Variants in ZNF804B observed in about 807,000 individuals in gnomAD.
ZNF804B encodes zinc finger protein 804B, also known as zinc finger 804B.
ZNF804B carries 80 observed loss-of-function variants against 101.4 expected under a neutral mutation model. That is an observed-to-expected ratio of 0.79 (90% CI 0.66 to 0.95). The LOEUF is 0.95. ZNF804B is among the 40% of genes least tolerant of loss of function. The pLI is 0.00. For missense variants in ZNF804B, 1,673 were observed against 1,561.9 expected (o/e 1.07, Z -1.20); for synonymous variants, 622 against 558.8 (o/e 1.11, Z -1.59).
At chr7:88,978,131 C>CT (rs1793642117) in intron 1 of ZNF804B, among the ~76,000 whole-genome samples, 1 of 151,528 alleles carries the variant, frequency 6.6e-6, no homozygotes, top group African/African-American at 2.4e-5. Flanking sequence ...ATGTTAAAGC[C>CT]TTTTTTTGTT....
At chr7:89,227,644 A>G (rs181388692) in intron 2 of ZNF804B, among the ~76,000 whole-genome samples, 1 of 152,340 alleles carries the variant, frequency 6.6e-6, no homozygotes, top group African/African-American at 2.4e-5. Context: ...CCTTAATTAA[A>G]CAGCAATTAT....
chr7:88,861,029 CT>C (rs1791636875), intron 1 of ZNF804B, among the ~76,000 whole-genome samples: 1 of 152,140 alleles, frequency 6.6e-6, no homozygotes, highest in Non-Finnish European at 1.5e-5. Flanking sequence ...AGGATGCTGA[CT>C]GCCTTGGTTT....
chr7:88,930,599 A>G (rs183226251), intron 1 of ZNF804B, among the ~76,000 whole-genome samples: 1 of 152,056 alleles, frequency 6.6e-6, no homozygotes, highest in African/African-American at 2.4e-5. Context: ...ATTACCATTA[A>G]AGAGACTTAT....
intron 1 of ZNF804B, among the ~76,000 whole-genome samples, chr7:88,860,483 T>C (rs575455483): frequency 1.3e-5 from 2 of 152,230 alleles, no homozygotes; most frequent in South Asian, 4.2e-4. Context: ...AATTTCTGGC[T>C]TCAGTAAGTT....
At chr7:89,187,625 GAGA>G (rs1438769449) in intron 1 of ZNF804B, among the ~76,000 whole-genome samples, 6 of 152,128 alleles carry the variant, frequency 3.9e-5, no homozygotes, top group Non-Finnish European at 1.5e-5. Flanking sequence ...GCAAAGTTTG[GAGA>G]AGCAAGTGAG....
intron 1 of ZNF804B, among the ~76,000 whole-genome samples, chr7:89,177,147 T>C (rs1791334900): frequency 6.6e-6 from 1 of 152,222 alleles, no homozygotes; most frequent in African/African-American, 2.4e-5. Flanking sequence ...ATATTTTCTC[T>C]ACTAATTTTG....
At chr7:89,319,617 A>G (rs1790788704) in intron 2 of ZNF804B, among the ~76,000 whole-genome samples, 2 of 152,182 alleles carry the variant, frequency 1.3e-5, no homozygotes. Context: ...TCACACAAAC[A>G]CATACTCTAG....
At chr7:89,315,257 A>G (rs983968028) in intron 2 of ZNF804B, among the ~76,000 whole-genome samples, 5 of 152,170 alleles carry the variant, frequency 3.3e-5, no homozygotes, top group African/African-American at 1.2e-4. Flanking sequence ...TAAGCCATTC[A>G]TGAGGAACTG....
At chr7:89,089,057 C>CTT (rs543879583) in intron 1 of ZNF804B, among the ~76,000 whole-genome samples, 2 of 128,102 alleles carry the variant, frequency 1.6e-5, no homozygotes, top group Admixed American at 7.8e-5. Context: ...CTTTTTTTTT[C>CTT]TTTTTTTTTT....
At chr7:88,804,453 A>G (rs958784220) in intron 1 of ZNF804B, among the ~76,000 whole-genome samples, 7 of 152,212 alleles carry the variant, frequency 4.6e-5, no homozygotes, top group African/African-American at 1.7e-4. Context: ...TGGAGACTAC[A>G]TATAACACTA....
chr7:89,119,303 C>A (rs1218279046), intron 1 of ZNF804B, among the ~76,000 whole-genome samples: 1 of 152,088 alleles, frequency 6.6e-6, no homozygotes, highest in African/African-American at 2.4e-5. Flanking sequence ...CAGTTACAGC[C>A]ATCAGTATTT....
At chr7:89,328,402 GAT>G (rs1790928532) in intron 3 of ZNF804B, among the ~76,000 whole-genome samples, 1 of 151,750 alleles carries the variant, frequency 6.6e-6, no homozygotes, top group Non-Finnish European at 1.5e-5. Flanking sequence ...ATACATAAAA[GAT>G]AATCATATTA....
chr7:89,104,066 C>A (rs1178025578), intron 1 of ZNF804B, among the ~76,000 whole-genome samples: 1 of 151,958 alleles, frequency 6.6e-6, no homozygotes, highest in Non-Finnish European at 1.5e-5. Flanking sequence ...ATCCTTGCAT[C>A]CCTGGAATAA....
At chr7:88,849,119 C>T (rs944988515) in intron 1 of ZNF804B, among the ~76,000 whole-genome samples, 2 of 152,046 alleles carry the variant, frequency 1.3e-5, no homozygotes, top group African/African-American at 4.8e-5. Flanking sequence ...CGTGCTATTA[C>T]GTTTCCTTTC....
chr7:89,112,622 A>G (rs1012923833), intron 1 of ZNF804B, among the ~76,000 whole-genome samples: 1 of 152,152 alleles, frequency 6.6e-6, no homozygotes, highest in African/African-American at 2.4e-5. Context: ...CTTTTCATAC[A>G]AGCTCTAGAA....
rs189259879 is a variant in ZNF804B, at chr7:89,308,225, C to T, written c.250-19119C>T. Among the ~76,000 whole-genome samples, 7 of 152,200 alleles carry T rather than the reference C, an allele frequency of 4.6e-5. No homozygotes were observed. In the East Asian group the frequency reaches 5.8e-4, roughly 13 times the overall value. ...AAAATAGGTAAGGCATTAGAAAAGA[C>T]GATGAATCTCTCAACTGCCTCATGC... is the stretch of plus-strand genomic sequence containing the variant. On this transcript the variant is annotated intron_variant, in intron 2 of 3. Coordinates refer to ENST00000333190, the MANE Select transcript of ZNF804B (RefSeq NM_181646.5).
intron 3 of ZNF804B, among the ~76,000 whole-genome samples, chr7:89,331,993 T>A (rs1001474268): frequency 4.6e-5 from 7 of 151,366 alleles, no homozygotes; most frequent in Non-Finnish European, 8.9e-5. Flanking sequence ...ATGTTATACA[T>A]ACATATATGT....
chr7:89,039,209 G>A (rs1788976305), intron 1 of ZNF804B, among the ~76,000 whole-genome samples: 1 of 151,594 alleles, frequency 6.6e-6, no homozygotes, highest in Non-Finnish European at 1.5e-5. Flanking sequence ...TGTGAAAAAT[G>A]CCATTACAAT....
chr7:88,839,157 G>GT (rs1441162463), intron 1 of ZNF804B, among the ~76,000 whole-genome samples: 2 of 151,924 alleles, frequency 1.3e-5, no homozygotes, highest in African/African-American at 4.8e-5. Flanking sequence ...ATTGAGGCCA[G>GT]TTTATTTTTA....
Sources: gnomAD v4.1 joint callset for allele counts (sites outside exome capture counted in the v4.1 genomes callset) on GRCh38, gnomAD v4.1.1 for gene constraint, MANE v1.5 for transcripts, NCBI Gene and HGNC (gene_info 2026-07-23, HGNC 2026-07-21) for gene names.